The following SYN3 variants were observed in gnomAD, a reference collection of about 807,000 sequenced individuals.
SYN3 encodes synapsin-3.
SYN3 carries 35 observed loss-of-function variants against 65.8 expected under a neutral mutation model. The ratio of observed to expected loss-of-function variants is 0.53; its 90% CI spans 0.41 to 0.70. SYN3 has a LOEUF of 0.70. SYN3 is among the 30% of genes least tolerant of loss of function. The probability of loss-of-function intolerance (pLI) is 0.00; values close to 1 mark genes in which losing one functional copy is unlikely to be tolerated. For synonymous variants in SYN3, 270 were observed against 292.9 expected (o/e 0.92, Z 0.80); for missense variants, 680 against 749.0 (o/e 0.91, Z 1.08).
intron 6 of SYN3, among the ~76,000 whole-genome samples, chr22:32,732,070 T>A (rs1301522867): frequency 6.6e-6 from 1 of 152,246 alleles, no homozygotes; most frequent in African/African-American, 2.4e-5. Context: ...TTATTGCTTT[T>A]ATTATTGTGT....
chr22:32,984,161 CAAAAAAAAAA>C (rs35678412), intron 2 of SYN3, among the ~76,000 whole-genome samples: 6 of 93,016 alleles, frequency 6.5e-5, no homozygotes, highest in Non-Finnish European at 1.2e-4. Flanking sequence ...AAACTCCATC[CAAAAAAAAAA>C]AAAAAAAAGA....
intron 6 of SYN3, among the ~76,000 whole-genome samples, chr22:32,830,762 G>T (rs551147589): frequency 6.6e-6 from 1 of 152,218 alleles, no homozygotes; most frequent in East Asian, 1.9e-4. Context: ...CCAGTCACAT[G>T]GACCGTGAGT....
chr22:32,976,333 A>G (rs1025940395), intron 3 of SYN3, among the ~76,000 whole-genome samples: 1 of 152,178 alleles, frequency 6.6e-6, no homozygotes, highest in Non-Finnish European at 1.5e-5. Context: ...TCCACCTGCT[A>G]GAGCAAGGCA....
intron 6 of SYN3, among the ~76,000 whole-genome samples, chr22:32,676,528 C>CTTTTTTTTTTTTT (rs879196572): frequency 1.8e-4 from 16 of 88,912 alleles, no homozygotes; most frequent in Non-Finnish European, 2.6e-4. Flanking sequence ...TCTTTTCTTT[C>CTTTTTTTTTTTTT]TTTTTTTTTT....
At chr22:32,885,787 C>T (rs2049272352) in intron 4 of SYN3, among the ~76,000 whole-genome samples, 1 of 152,106 alleles carries the variant, frequency 6.6e-6, no homozygotes, top group East Asian at 1.9e-4. Context: ...TCTGGAACTC[C>T]TGACTTAAGG....
chr22:32,509,478 T>A lies in SYN3; in HGVS notation c.*4214A>T, dbSNP rs901142463. On this transcript the variant is annotated 3_prime_UTR_variant, in exon 14 of 14. Coordinates refer to ENST00000358763, the MANE Select transcript of SYN3 (RefSeq NM_003490.4). ...TGGAAGGAACAGGTACTAGTCTATG[T>A]GACAGAACAGACTATTTTAGGGTCG... 6.6e-6 allele frequency among the ~76,000 whole-genome samples: 1 copy of A among 152,198 alleles called. No individual in the cohort carries two copies. Among genetic ancestry groups the A allele is most frequent in the Non-Finnish European group, 1.5e-5 (1 of 68,034 alleles).
chr22:32,553,476 T>C (rs1231902816), intron 7 of SYN3, among the ~76,000 whole-genome samples: 1 of 152,206 alleles, frequency 6.6e-6, no homozygotes, highest in Non-Finnish European at 1.5e-5. Context: ...TCTGGAAATA[T>C]TCTATAAATA....
intron 1 of SYN3, among the ~76,000 whole-genome samples, chr22:33,028,077 G>A (rs1377074564): frequency 6.6e-6 from 1 of 152,154 alleles, no homozygotes; most frequent in Non-Finnish European, 1.5e-5. Context: ...AGGCAGTCTA[G>A]GTCCTGGGTC....
intron 6 of SYN3, among the ~76,000 whole-genome samples, chr22:32,604,114 C>T (rs190950533): frequency 6.6e-5 from 10 of 152,336 alleles, no homozygotes; most frequent in East Asian, 1.9e-4. Flanking sequence ...TAGAGTGGCC[C>T]GGACAGCCTC....
intron 4 of SYN3, among the ~76,000 whole-genome samples, chr22:32,904,292 C>T (rs1369271326): frequency 3.3e-5 from 5 of 152,168 alleles, no homozygotes; most frequent in Non-Finnish European, 4.4e-5. Flanking sequence ...TATGGCTCTG[C>T]GAGGCCTGGC....
intron 4 of SYN3, among the ~76,000 whole-genome samples, chr22:32,916,501 G>A (rs1444615006): frequency 6.6e-6 from 1 of 152,142 alleles, no homozygotes; most frequent in African/African-American, 2.4e-5. Context: ...GTTTATGACT[G>A]TTGCTAAAAT....
intron 4 of SYN3, among the ~76,000 whole-genome samples, chr22:32,898,943 A>T (rs1290768098): frequency 1.3e-5 from 2 of 152,170 alleles, no homozygotes; most frequent in East Asian, 3.9e-4. Context: ...TCTACTAAAA[A>T]TACAAAAAAT....
At chr22:33,013,271 G>A (rs995279413) in intron 1 of SYN3, among the ~76,000 whole-genome samples, 5 of 152,172 alleles carry the variant, frequency 3.3e-5, no homozygotes, top group African/African-American at 1.2e-4. Flanking sequence ...TTACAGGCTG[G>A]CAAAGGGAGG....
intron 1 of SYN3, among the ~76,000 whole-genome samples, chr22:33,039,506 T>C (rs1049910160): frequency 2.0e-5 from 3 of 151,992 alleles, no homozygotes; most frequent in Non-Finnish European, 2.9e-5. Flanking sequence ...GCGATTCTCC[T>C]GCCTCAGCCT....
rs895912798 is a variant in SYN3 at position 32,954,355 on chromosome 22, C to T, written c.370-22874G>A. On this transcript the variant is annotated intron_variant, in intron 3 of 13. Transcript: ENST00000358763. ...CCCACCTCCAGAGCTTTTAGAAGGT[C>T]GACAGACCTAGAAACAAATTTTGCT... 6.6e-5 allele frequency among the ~76,000 whole-genome samples: 10 copies of T among 152,272 alleles called. 1 individual carries two copies.
chr22:32,610,762 A>G (rs1005934609), intron 6 of SYN3, among the ~76,000 whole-genome samples: 4 of 152,132 alleles, frequency 2.6e-5, no homozygotes, highest in African/African-American at 7.2e-5. Context: ...TTGTATTTTT[A>G]GTAGAGACGG....
At position 32,837,001 on chromosome 22, in the gene SYN3, G is replaced by T. The variant is rs1028189485; in HGVS notation, c.711+27914C>A. On this transcript the variant is annotated intron_variant, in intron 6 of 13. Coordinates refer to ENST00000358763, the MANE Select transcript of SYN3 (RefSeq NM_003490.4). This position sits in a 1 kb window ranked among gnomAD's most constrained non-coding sequence, Gnocchi z 4.1. ...GCATCTGCGGGTCTGGCGTGCAAAGGAGGGTGGTTCTTTGGCTAATGGTGG... is the reference window on the plus strand; with the variant it reads ...GCATCTGCGGGTCTGGCGTGCAAAGTAGGGTGGTTCTTTGGCTAATGGTGG... Among the ~76,000 whole-genome samples the T allele has an allele frequency of 3.3e-5, 5 of 152,218 alleles. No individual in the cohort carries two copies. The highest frequency in any genetic ancestry group is 1.2e-4 in the African/African-American group (5 of 41,440).
At chr22:32,814,362 A>AAGAAAGG (rs2047033372) in intron 6 of SYN3, among the ~76,000 whole-genome samples, 4 of 88,954 alleles carry the variant, frequency 4.5e-5, no homozygotes, top group South Asian at 3.4e-4. Flanking sequence ...AGAAAGAAAG[A>AAGAAAGG]AAGAAAGAAA....
intron 6 of SYN3, among the ~76,000 whole-genome samples, chr22:32,830,140 G>C (rs557857972): frequency 6.6e-6 from 1 of 152,180 alleles, no homozygotes; most frequent in African/African-American, 2.4e-5. Flanking sequence ...GTCCCAGCTA[G>C]TACTTTGCAT....
Sources: gnomAD v4.1 joint callset for allele counts (sites outside exome capture counted in the v4.1 genomes callset) on GRCh38, gnomAD v4.1.1 for gene constraint, Gnocchi (gnomAD v3.1) non-coding constraint, MANE v1.5 for transcripts, NCBI Gene and HGNC (gene_info 2026-07-23, HGNC 2026-07-21) for gene names.